The following FANCA variants were observed in gnomAD, a reference collection of about 807,000 sequenced individuals.
FANCA encodes the protein FA complementation group A.
Under a neutral mutation model 194.3 loss-of-function variants are expected in FANCA, and 236 were observed. The observed-to-expected ratio is 1.21, with a 90% CI of 1.09 to 1.35. The LOEUF is 1.35. FANCA is among the 40% of genes most tolerant of loss of function. FANCA has a pLI of 0.00. For synonymous variants in FANCA, 1,014 were observed against 715.8 expected, an observed-to-expected ratio of 1.42 and a Z score of -6.65; for missense variants, 2,628 against 1,813.9, an observed-to-expected ratio of 1.45 and a Z score of -8.15.
intron 17 of FANCA, 38 bp downstream of exon 17, chr16:89,782,821 T>C (rs775937009): frequency 1.9e-6 from 3 of 1,576,746 alleles, no homozygotes; most frequent in Non-Finnish European, 1.7e-6. Flanking sequence ...ATGGTGGGCG[T>C]GACTGGCTGA....
intron 3 of FANCA, 137 bp downstream of exon 3, chr16:89,814,383 T>C (rs2041019347): frequency 6.4e-6 from 4 of 621,404 alleles, no homozygotes; most frequent in East Asian, 2.8e-5. Context: ...AAACATCCCA[T>C]AGAATTTGCG....
chr16:89,738,669 C>T lies in FANCA; in HGVS notation c.4300G>A (p.Ala1434Thr), dbSNP rs374984587. The T allele has an allele frequency of 7.9e-5, 127 of 1,613,328 alleles. 1 individual carries two copies. Among genetic ancestry groups the T allele is most frequent in the Non-Finnish European group, 9.6e-5 (113 of 1,180,036 alleles). ...DRGDCDPEVS[A>T]ALQSRQQAAP... The stretch of plus-strand genomic sequence containing the variant: ...GCCTGCTGTCTGCTCTGGAGGGCGG[C>T]GCTCACCTCTGGGTCGCAGTCCCCA... The change falls in exon 43 of 43, where the codon GCC becomes ACC. Residue 1434 changes from alanine (A) to threonine (T), a missense_variant. By Grantham distance (58) the Ala-to-Thr change is moderately conservative (BLOSUM62 0). Coordinates refer to ENST00000389301, the MANE Select transcript of FANCA (RefSeq NM_000135.4).
At chr16:89,783,962 C>T (rs1314291301) in intron 15 of FANCA, among the ~76,000 whole-genome samples, 6 of 152,010 alleles carry the variant, frequency 3.9e-5, no homozygotes, top group African/African-American at 1.4e-4. Flanking sequence ...GGTTTCTCCA[C>T]ATTGGTCAGG....
chr16:89,812,655 A>AAAAC (rs1555576887), intron 3 of FANCA, among the ~76,000 whole-genome samples: 24 of 125,294 alleles, frequency 1.9e-4, no homozygotes, highest in East Asian at 4.5e-4. Context: ...TCAAAAAAAA[A>AAAAC]AAAAAAAAAA....
chr16:89,742,443 C>T (rs886181341), intron 37 of FANCA, among the ~76,000 whole-genome samples: 2 of 152,132 alleles, frequency 1.3e-5, no homozygotes, highest in Non-Finnish European at 2.9e-5. Flanking sequence ...CAGTGAGACC[C>T]TGTCTCAACT....
At position 89,764,993 on chromosome 16, in the gene FANCA, G is replaced by A. The variant is rs2039077385; in HGVS notation, c.2675C>T (p.Ser892Phe). ...PLSEEDVASLSWRPLHLPSAD... is the reference protein window; with the variant it reads ...PLSEEDVASLFWRPLHLPSAD... ...AGAAGGAAGGTGCAAGGGTCTCCAG[G>A]AAAGGCTGGCTACGTCCTCCTCAGA... The change falls in exon 28 of 43, where the codon TCC becomes TTC. Residue 892 changes from serine to phenylalanine, a missense_variant. Physicochemically the swap from Ser to Phe is radical, Grantham distance 155 (BLOSUM62 -2). Transcript: ENST00000389301. 6.2e-7 allele frequency: 1 copy of A among 1,614,132 alleles called. No individual in the cohort carries two copies. Among genetic ancestry groups the A allele is most frequent in the Admixed American group, 1.7e-5 (1 of 60,016 alleles).
At chr16:89,801,333 G>C (rs2040444762) in intron 8 of FANCA, among the ~76,000 whole-genome samples, 1 of 107,240 alleles carries the variant, frequency 9.3e-6, no homozygotes, top group Admixed American at 1.1e-4. Context: ...GACAGAGCAA[G>C]ACTCTGTCTC....
chr16:89,804,427 T>G (rs781504025), intron 7 of FANCA, among the ~76,000 whole-genome samples: 65 of 152,118 alleles, frequency 4.3e-4, no homozygotes, highest in Admixed American at 2.0e-3. Context: ...GTGGGGCGGT[T>G]CTCTAGAGCT....
chr16:89,739,626 G>T, intron 39 of FANCA, 73 bp from the exon 40 acceptor site: 1 of 1,523,438 alleles, frequency 6.6e-7, no homozygotes, highest in Non-Finnish European at 8.9e-7. Context: ...ACACCCCTGG[G>T]GGTCGGGACG....
At chr16:89,799,707 A>T (rs2040375950) in intron 8 of FANCA, 69 bp from the exon 9 acceptor site, 3 of 1,296,966 alleles carry the variant, frequency 2.3e-6, no homozygotes. Context: ...TGCATCACAC[A>T]AGAGAATTAT....
intron 5 of FANCA, among the ~76,000 whole-genome samples, chr16:89,808,988 C>A (rs1264675423): frequency 6.6e-6 from 1 of 151,858 alleles, no homozygotes; most frequent in East Asian, 1.9e-4. Context: ...TCACTGTAAG[C>A]TCTGCCTCCC....
chr16:89,774,850 T>C (rs568029745), intron 21 of FANCA, among the ~76,000 whole-genome samples: 1 of 150,144 alleles, frequency 6.7e-6, no homozygotes, highest in Non-Finnish European at 1.5e-5. Flanking sequence ...TCCCAGCACT[T>C]TGAAAGGCCG....
chr16:89,764,825 G>A lies in FANCA; in HGVS notation c.2778+65C>T, dbSNP rs752381834. On this transcript the variant is annotated intron_variant, in intron 28 of 42. Coordinates refer to ENST00000389301, the MANE Select transcript of FANCA (RefSeq NM_000135.4). ...CACCTACGTGCTGCTGTTCTTGCCC[G>A]AGGAGCACACACAAACCCTAGACTC... 103 of 1,567,694 alleles carry A rather than the reference G, an allele frequency of 6.6e-5. No individual in the cohort carries two copies. Among genetic ancestry groups the A allele is most frequent in the East Asian group, 2.3e-4 (10 of 44,198 alleles).
chr16:89,772,967 G>C (rs780003578), intron 22 of FANCA, among the ~76,000 whole-genome samples: 1 of 152,172 alleles, frequency 6.6e-6, no homozygotes. Context: ...CGGCAGGCAG[G>C]ATGAGCGGGA....
At chr16:89,783,680 C>CTA (rs2039800183) in intron 15 of FANCA, among the ~76,000 whole-genome samples, 1 of 152,190 alleles carries the variant, frequency 6.6e-6, no homozygotes, top group East Asian at 1.9e-4. Context: ...ATGTGCAATC[C>CTA]TAGCAGCGGC....
At chr16:89,762,279 C>A (rs550083842) in intron 28 of FANCA, among the ~76,000 whole-genome samples, 5 of 152,268 alleles carry the variant, frequency 3.3e-5, no homozygotes, top group Non-Finnish European at 7.4e-5. Context: ...TTAGTCTGGG[C>A]AACATAGTAA....
intron 21 of FANCA, among the ~76,000 whole-genome samples, chr16:89,773,991 G>A (rs935521821): frequency 2.0e-5 from 3 of 151,986 alleles, no homozygotes; most frequent in South Asian, 4.2e-4. Flanking sequence ...AGATGGTCTC[G>A]ATCTCCTGAC....
Position 89,775,826 on chromosome 16 carries a change from G to T in FANCA, c.1827-11C>A. ...GGGATTTTATCTGCTCTGGATCACA[G>T]GAAAACAATACAATTAAGTCAGCTA... On this transcript the variant is annotated splice_polypyrimidine_tract_variant and intron_variant, in intron 20 of 42. Transcript: ENST00000389301. 1 of 1,597,214 alleles carries T rather than the reference G, an allele frequency of 6.3e-7. No individual in the cohort carries two copies. The highest frequency in any genetic ancestry group is 8.6e-7 in the Non-Finnish European group (1 of 1,166,788).
At chr16:89,801,580 G>A (rs973061662) in intron 8 of FANCA, among the ~76,000 whole-genome samples, 37 of 152,100 alleles carry the variant, frequency 2.4e-4, no homozygotes, top group African/African-American at 8.7e-4. Flanking sequence ...TCTAAAAACA[G>A]AACTACCAGC....
Sources: allele counts gnomAD v4.1 joint callset (sites outside exome capture counted in the v4.1 genomes callset), GRCh38; gene constraint gnomAD v4.1.1; transcripts MANE v1.5; gene names NCBI Gene and HGNC (gene_info 2026-07-23, HGNC 2026-07-21).